The following FGF14 variants were observed in gnomAD, a reference collection of about 807,000 sequenced individuals.
The protein encoded by FGF14 is fibroblast growth factor homologous factor 4.
In FGF14, 5 loss-of-function variants were observed where a neutral mutation model predicts 25.5. The observed-to-expected ratio is 0.20, with a 90% CI of 0.10 to 0.41. The LOEUF (loss-of-function observed/expected upper bound fraction) is 0.41, where lower values mean the gene tolerates loss of function less well. Among genes scored for constraint, FGF14 ranks in the 10% least tolerant of loss-of-function variants. The pLI is 1.00. For missense variants in FGF14, 222 were observed against 320.1 expected (o/e 0.69, Z 2.34); for synonymous variants, 138 against 118.3 (o/e 1.17, Z -1.08).
rs1037095377 is a variant in FGF14, at chr13:101,916,579, G to T, written c.67C>A (p.Arg23=). ...CTCCGCCTCCTGCTGGCAGACGGCC[G>T]GTCCCAGTGCTGCTCCCGCGCCTGC... ...KRQAREQHWD[R]PSASRRRSSP... The change falls in exon 1 of 5, where the codon CGG becomes AGG. Residue 23 remains arginine, a synonymous_variant. Transcript: ENST00000376143. 3 of 1,607,818 alleles carry T rather than the reference G, an allele frequency of 1.9e-6. No individual in the cohort carries two copies. Among genetic ancestry groups the T allele is most frequent in the Non-Finnish European group, 1.7e-6 (2 of 1,177,738 alleles).
At chr13:101,910,030 G>A (rs1164879469) in intron 1 of FGF14, among the ~76,000 whole-genome samples, 2 of 151,954 alleles carry the variant, frequency 1.3e-5, no homozygotes, top group Admixed American at 6.6e-5. Flanking sequence ...ACTCATAGGT[G>A]GGAATTGAAC....
chr13:101,826,630 T>C (rs1388308762), intron 3 of FGF14, among the ~76,000 whole-genome samples: 1 of 152,062 alleles, frequency 6.6e-6, no homozygotes, highest in Admixed American at 6.6e-5. Context: ...TATTCTTATA[T>C]AGTAAAATCT....
chr13:102,055,487 C>T (rs2042389269), intron 1 of FGF14, among the ~76,000 whole-genome samples: 2 of 152,156 alleles, frequency 1.3e-5, no homozygotes, highest in Admixed American at 1.3e-4. Flanking sequence ...TGTTGAACAC[C>T]ATTCAAAGGC....
chr13:102,380,371 A>T (rs1380522461), intron 1 of FGF14, among the ~76,000 whole-genome samples: 3 of 152,120 alleles, frequency 2.0e-5, no homozygotes, highest in Non-Finnish European at 4.4e-5. Context: ...ATATCTAGCA[A>T]CTTAAATATC....
intron 1 of FGF14, among the ~76,000 whole-genome samples, chr13:102,145,095 CT>C (rs1197205071): frequency 6.6e-6 from 1 of 152,084 alleles, no homozygotes; most frequent in Admixed American, 6.6e-5. Flanking sequence ...TTATTATTTT[CT>C]TTCTTCAATT....
intron 1 of FGF14, among the ~76,000 whole-genome samples, chr13:102,139,756 C>T (rs1472104974): frequency 6.8e-6 from 1 of 146,096 alleles, no homozygotes; most frequent in African/African-American, 2.5e-5. Flanking sequence ...CAAGATGTTT[C>T]TATCCCAAGA....
chr13:101,881,465 C>T (rs1266573462), intron 1 of FGF14, among the ~76,000 whole-genome samples: 4 of 152,092 alleles, frequency 2.6e-5, no homozygotes, highest in African/African-American at 9.7e-5. Context: ...CTTTGGCCTA[C>T]TAATTTATTA....
chr13:102,006,805 C>A (rs1382990169), intron 1 of FGF14, among the ~76,000 whole-genome samples: 2 of 122,170 alleles, frequency 1.6e-5, no homozygotes, highest in Admixed American at 2.3e-4. Flanking sequence ...ACTGCAGTGG[C>A]GCAATCTCGG....
At chr13:102,320,821 G>C (rs1281999856) in intron 1 of FGF14, among the ~76,000 whole-genome samples, 1 of 152,198 alleles carries the variant, frequency 6.6e-6, no homozygotes, top group Non-Finnish European at 1.5e-5. Context: ...AATGGATAGT[G>C]AATGTTCATT....
chr13:102,383,691 T>C (rs551655839), intron 1 of FGF14, among the ~76,000 whole-genome samples: 1 of 152,234 alleles, frequency 6.6e-6, no homozygotes, highest in African/African-American at 2.4e-5. Context: ...CCTCTATCAA[T>C]CACTGCTTTA....
intron 1 of FGF14, among the ~76,000 whole-genome samples, chr13:101,953,570 G>GTGTGTGTGTGTATATA (rs532696085): frequency 5.1e-5 from 7 of 138,074 alleles, no homozygotes; most frequent in African/African-American, 1.8e-4. Flanking sequence ...GTGTGTGTGT[G>GTGTGTGTGTGTATATA]TATATATATA....
intron 1 of FGF14, among the ~76,000 whole-genome samples, chr13:102,242,818 T>C (rs1168860985): frequency 6.6e-6 from 1 of 152,124 alleles, no homozygotes; most frequent in Non-Finnish European, 1.5e-5. Context: ...GTTTAACCAA[T>C]CCTGTCTTTT....
intron 3 of FGF14, among the ~76,000 whole-genome samples, chr13:101,860,432 G>A (rs1162442514): frequency 6.6e-6 from 1 of 151,824 alleles, no homozygotes; most frequent in South Asian, 2.1e-4. Flanking sequence ...CCTGAACTAG[G>A]AATTTATAAA....
At chr13:101,837,021 C>T (rs982823365) in intron 3 of FGF14, among the ~76,000 whole-genome samples, 1 of 152,024 alleles carries the variant, frequency 6.6e-6, no homozygotes, top group East Asian at 1.9e-4. Context: ...GAACTTTCTC[C>T]TTCATGTTTT....
chr13:101,814,594 C>A (rs1413723853), intron 3 of FGF14, among the ~76,000 whole-genome samples: 1 of 152,156 alleles, frequency 6.6e-6, no homozygotes, highest in Non-Finnish European at 1.5e-5. Flanking sequence ...TCATCCCTAC[C>A]CCCAAGTGAC....
intron 3 of FGF14, among the ~76,000 whole-genome samples, chr13:101,732,876 A>ATT (rs1044843226): frequency 1.3e-5 from 2 of 151,944 alleles, no homozygotes; most frequent in African/African-American, 4.8e-5. Flanking sequence ...TGAATTCTCA[A>ATT]TTTTTTTTCT....
At chr13:102,026,469 T>C (rs2040933760) in intron 1 of FGF14, among the ~76,000 whole-genome samples, 1 of 152,010 alleles carries the variant, frequency 6.6e-6, no homozygotes, top group African/African-American at 2.4e-5. Context: ...GAAGTGTTTC[T>C]TCCTATTCTA....
chr13:101,934,706 G>A (rs1168707557), intron 1 of FGF14, among the ~76,000 whole-genome samples: 1 of 152,076 alleles, frequency 6.6e-6, no homozygotes, highest in Non-Finnish European at 1.5e-5. Context: ...AGGGCATGCA[G>A]ATTCTCTGAA....
At chr13:102,289,899 C>T (rs1463502281) in intron 1 of FGF14, among the ~76,000 whole-genome samples, 1 of 149,188 alleles carries the variant, frequency 6.7e-6, no homozygotes, top group African/African-American at 2.5e-5. Flanking sequence ...CTTTCCCTCC[C>T]TCTCTCTCTC....
Sources: gnomAD v4.1 joint callset for allele counts (sites outside exome capture counted in the v4.1 genomes callset) on GRCh38, gnomAD v4.1.1 for gene constraint, MANE v1.5 for transcripts, NCBI Gene and HGNC (gene_info 2026-07-23, HGNC 2026-07-21) for gene names.